The following EHBP1L1 variants were observed in gnomAD, a reference collection of about 807,000 sequenced individuals.
EHBP1L1 encodes EH domain-binding protein 1-like protein 1.
Under a neutral mutation model 151.1 loss-of-function variants are expected in EHBP1L1, and 122 were observed. That is an observed-to-expected ratio of 0.81 (90% CI 0.70 to 0.94). The LOEUF is 0.94. Ranked by LOEUF, EHBP1L1 falls within the 40% of genes least tolerant of loss-of-function variation. EHBP1L1 has a pLI of 0.00. For missense variants in EHBP1L1, 1,941 were observed against 1,959.8 expected (o/e 0.99, Z 0.18); for synonymous variants, 878 against 810.1 (o/e 1.08, Z -1.42).
chr11:65,579,543 G>C (rs991433139), intron 3 of EHBP1L1, 107 bp downstream of exon 3: 3 of 962,328 alleles, frequency 3.1e-6, no homozygotes, highest in African/African-American at 3.3e-5. Context: ...AAGAGGATGC[G>C]GGGGGTGAGG....
rs1290846483 is a variant in EHBP1L1, at chr11:65,582,503, G to T, written c.1831G>T (p.Glu611Ter). The T allele has an allele frequency of 3.1e-6, 5 of 1,613,200 alleles. No individual in the cohort carries two copies. The highest frequency in any genetic ancestry group is 4.2e-6 in the Non-Finnish European group (5 of 1,179,850). The change falls in exon 9 of 19, where the codon GAA (glutamate) becomes TAA (stop). Residue 611 changes from glutamate (E) to a stop codon, truncating the protein, a stop_gained. Coordinates refer to ENST00000309295, the MANE Select transcript of EHBP1L1 (RefSeq NM_001099409.3). LOFTEE classifies it high-confidence loss of function. ...EIEILGALEK[E>*]AARSRVLESE... is the part of the protein sequence containing the mutation. ...TGAGATATTGGGGGCCTTGGAGAAAGAAGCAGCAAGATCAAGGGTCCTGGA... is the reference window on the plus strand; with the variant it reads ...TGAGATATTGGGGGCCTTGGAGAAATAAGCAGCAAGATCAAGGGTCCTGGA...
At chr11:65,583,920 G>T in intron 9 of EHBP1L1, 155 bp downstream of exon 9, 1 of 1,417,526 alleles carries the variant, frequency 7.1e-7, no homozygotes, top group Non-Finnish European at 9.2e-7. Context: ...CCTCTCTCAG[G>T]ATGCCCTGGC....
intron 11 of EHBP1L1, 87 bp downstream of exon 11, chr11:65,584,621 G>C (rs1474757053): frequency 2.6e-6 from 4 of 1,522,320 alleles, no homozygotes; most frequent in East Asian, 2.4e-5. Flanking sequence ...GTGGACTGCC[G>C]GGCCCAGCAG....
rs201005684 is a variant in EHBP1L1 at position 65,590,130 on chromosome 11, A to T, written c.4103A>T (p.Gln1368Leu). ...DTSQYVCAEL[Q>L]ALEQEQRQID... ...AGTCAGTACGTGTGTGCAGAGCTGCAGGCCCTGGAACAGGAGCAGAGGCAG... is the reference window on the plus strand; with the variant it reads ...AGTCAGTACGTGTGTGCAGAGCTGCTGGCCCTGGAACAGGAGCAGAGGCAG... The change falls in exon 15 of 19, where the codon CAG becomes CTG. Residue 1368 changes from glutamine (Q) to leucine (L), a missense_variant. Transcript: ENST00000309295. 5.0e-5 allele frequency: 81 copies of T among 1,613,822 alleles called. No individual in the cohort carries two copies. The African/African-American group carries it at 9.2e-4, about 18-fold the overall frequency.
In EHBP1L1 at chr11:65,576,141, A is replaced by C. The variant is rs959693770; in HGVS notation, c.-162A>C. On this transcript the variant is annotated 5_prime_UTR_variant, in exon 1 of 19. Coordinates refer to ENST00000309295, the MANE Select transcript of EHBP1L1 (RefSeq NM_001099409.3). ...TCAGCCAGACCACCCTGCGGGCCCC[A>C]GCGGCGGCAGCGGAGAGCGCGGTCC... The C allele has an allele frequency of 8.7e-6, 4 of 461,344 alleles. No individual in the cohort carries two copies. Among genetic ancestry groups the C allele is most frequent in the African/African-American group, 2.1e-5 (1 of 48,626 alleles). The allele number at this position is 461,344 out of a possible 1,614,324, so 28.6% of individuals were successfully genotyped here.
rs1355383248 is a variant in EHBP1L1, at chr11:65,591,876, G to A, written c.4357+3G>A. ...GCGGGCCATGCTGGCCATCGAAGGT[G>A]GGACATGGGCTCAGGGGCCGGGAGG... On this transcript the variant is annotated splice_donor_region_variant and intron_variant, in intron 17 of 18. Transcript: ENST00000309295. 7 of 1,594,058 alleles carry A rather than the reference G, an allele frequency of 4.4e-6. No individual in the cohort carries two copies. The highest frequency in any genetic ancestry group is 6.0e-6 in the Non-Finnish European group (7 of 1,170,818).
chr11:65,576,513 C>A, intron 1 of EHBP1L1, 107 bp downstream of exon 1: 1 of 974,754 alleles, frequency 1.0e-6, no homozygotes, highest in South Asian at 1.6e-5. Context: ...CAAATGGGCC[C>A]CCACCCCAGC....
At chr11:65,579,209 G>A in intron 2 of EHBP1L1, 74 bp downstream of exon 2, 1 of 1,534,378 alleles carries the variant, frequency 6.5e-7, no homozygotes, top group Non-Finnish European at 8.8e-7. Flanking sequence ...GCTGATGGGG[G>A]AGTGGAGTGA....
chr11:65,584,940 G>T lies in EHBP1L1; in HGVS notation c.3301-19G>T. The T allele has an allele frequency of 6.5e-7, 1 of 1,532,488 alleles. No homozygotes were observed. Among genetic ancestry groups the T allele is most frequent in the South Asian group, 1.2e-5 (1 of 83,826 alleles). 94.9% of individuals were successfully genotyped at this position (1,532,488 alleles called of 1,614,324 possible). On this transcript the variant is annotated intron_variant, in intron 11 of 18. Transcript: ENST00000309295. ...GCGGGCCACCGCCGCCGCTGACCCCGAGTGCACCCTTCCCCTAGGCCTTCG... is the reference window on the plus strand; with the variant it reads ...GCGGGCCACCGCCGCCGCTGACCCCTAGTGCACCCTTCCCCTAGGCCTTCG...
Position 65,584,372 on chromosome 11 carries a change from C to T in EHBP1L1, c.3225C>T (p.Ile1075=). The change falls in exon 10 of 19, where the codon ATC becomes ATT. Residue 1075 remains isoleucine, a synonymous_variant. Coordinates refer to ENST00000309295, the MANE Select transcript of EHBP1L1 (RefSeq NM_001099409.3). The stretch of plus-strand genomic sequence containing the variant: ...GCAACGGCTTGGCCTTCTGTGCCAT[C>T]CTGCACCGATTCTACCCAGACAAGA... ...SWRNGLAFCA[I]LHRFYPDKID... is the part of the protein sequence containing the mutation. 3 of 1,612,532 alleles carry T rather than the reference C, an allele frequency of 1.9e-6. No individual in the cohort carries two copies. The highest frequency in any genetic ancestry group is 2.5e-6 in the Non-Finnish European group (3 of 1,179,134).
At position 65,592,041 on chromosome 11, in the gene EHBP1L1, G is replaced by C. The variant is rs1858346823; in HGVS notation, c.4423G>C (p.Val1475Leu). 6.2e-7 allele frequency: 1 copy of C among 1,613,316 alleles called. No homozygotes were observed. Among genetic ancestry groups the C allele is most frequent in the Admixed American group, 1.7e-5 (1 of 60,012 alleles). ...QLLLEELVSL[V>L]NQRDELVRDL... is the part of the protein sequence containing the mutation. ...CCTACTGGAGGAGCTGGTGTCGCTG[G>C]TGAACCAGCGCGATGAGCTAGTCCG... is the stretch of plus-strand genomic sequence containing the variant. The change falls in exon 18 of 19, where the codon GTG becomes CTG. Residue 1475 changes from valine to leucine, a missense_variant. Coordinates refer to ENST00000309295, the MANE Select transcript of EHBP1L1 (RefSeq NM_001099409.3).
At chr11:65,579,205 G>C in intron 2 of EHBP1L1, 70 bp downstream of exon 2, 1 of 1,537,784 alleles carries the variant, frequency 6.5e-7, no homozygotes, top group Non-Finnish European at 8.8e-7. Context: ...GGGGGCTGAT[G>C]GGGGAGTGGA....
rs2135265220 is a variant in EHBP1L1, at chr11:65,582,276, G to A, written c.1604G>A (p.Arg535Lys). 1 of 1,529,274 alleles carries A rather than the reference G, an allele frequency of 6.5e-7. No homozygotes were observed. Among genetic ancestry groups the A allele is most frequent in the Middle Eastern group, 1.8e-4 (1 of 5,626 alleles). 94.7% of individuals were successfully genotyped at this position (1,529,274 alleles called of 1,614,324 possible). A position where few individuals can be genotyped will look rare whatever the true frequency, so the allele number is the denominator to read the frequency against. Residue 535 changes from arginine (R) to lysine (K), a missense_variant, in exon 9 of 19, where the codon AGG (arginine) becomes AAG (lysine). Transcript: ENST00000309295. ...QGPSVGAIST[R>K]PQVSSWQGAL... is the part of the protein sequence containing the mutation. ...CCTTCTGTTGGAGCAATAAGCACCA[G>A]GCCCCAGGTGAGCAGCTGGCAGGGG...
In EHBP1L1 at chr11:65,585,739, G is replaced by C. The variant is rs1857937848; in HGVS notation, c.3933+148G>C. The C allele has an allele frequency of 7.6e-7, 1 of 1,321,796 alleles. No homozygotes were observed. The highest frequency in any genetic ancestry group is 2.4e-5 in the Admixed American group (1 of 40,892). 81.9% of individuals were successfully genotyped at this position (1,321,796 alleles called of 1,614,324 possible). A position where few individuals can be genotyped will look rare whatever the true frequency, so the allele number is the denominator to read the frequency against. On this transcript the variant is annotated intron_variant, in intron 12 of 18. Transcript: ENST00000309295. The surrounding 1 kb of genome is among the most constrained non-coding windows in gnomAD (Gnocchi z 4.0). ...GAGTGGCGGGGCTCGGCTGGACCCA[G>C]GAGGGGCTATCTGATCAGAGGGACC... is the stretch of plus-strand genomic sequence containing the variant.
At position 65,580,442 on chromosome 11, in the gene EHBP1L1, AGGAGCCCC is replaced by A. The variant is rs1565120922; in HGVS notation, c.602_609del (p.Ala201GlyfsTer19). 1 of 1,613,520 alleles carries A rather than the reference AGGAGCCCC, an allele frequency of 6.2e-7. No individual in the cohort carries two copies. Among genetic ancestry groups the A allele is most frequent in the South Asian group, 1.1e-5 (1 of 91,080 alleles). On this transcript the variant is annotated frameshift_variant, in exon 6 of 19. Coordinates refer to ENST00000309295, the MANE Select transcript of EHBP1L1 (RefSeq NM_001099409.3). LOFTEE classifies it high-confidence loss of function. ...GTGATGAAGATGAGGCTCATGGCCC[AGGAGCCCC>A]GGAGGCCCGGGCTCGAGTCCCCCAG...
At position 65,580,373 on chromosome 11, in the gene EHBP1L1, T is replaced by C. The variant is rs1857538378; in HGVS notation, c.528T>C (p.Ser176=). Reference sequence around the variant, plus strand: ...TGCAGAGTCTCGCAAGCCTCATGAGTGTGAAGCCTAGTGATGTGGGCAACT... The same window carrying C: ...TGCAGAGTCTCGCAAGCCTCATGAGCGTGAAGCCTAGTGATGTGGGCAACT... ...DDMQSLASLM[S]VKPSDVGNLD... Residue 176 remains serine, a synonymous_variant, in exon 6 of 19, where the codon AGT becomes AGC. Coordinates refer to ENST00000309295, the MANE Select transcript of EHBP1L1 (RefSeq NM_001099409.3). 1.2e-6 allele frequency: 2 copies of C among 1,613,700 alleles called. No individual in the cohort carries two copies. Among genetic ancestry groups the C allele is most frequent in the African/African-American group, 1.3e-5 (1 of 74,988 alleles).
At position 65,579,342 on chromosome 11, in the gene EHBP1L1, C is replaced by T. The variant is rs554014179; in HGVS notation, c.164C>T (p.Ala55Val). The T allele has an allele frequency of 1.7e-5, 26 of 1,551,894 alleles. No individual in the cohort carries two copies. The African/African-American group carries it at 3.4e-4, about 20-fold the overall frequency. Residue 55 changes from alanine (A) to valine (V), a missense_variant and splice_region_variant, in exon 3 of 19, where the codon GCC (alanine) becomes GTC (valine). Transcript: ENST00000309295. ...GAGGACTCAGATTGTCCCTTGTAGG[C>T]CCACAGCTGGCAGCCGGGCATCCAG... ...TRRNRRICSK[A>V]HSWQPGIQNP...
Position 65,584,948 on chromosome 11 carries a change from C to T in EHBP1L1, c.3301-11C>T, listed in dbSNP as rs1230436578. ...CCGCCGCCGCTGACCCCGAGTGCAC[C>T]CTTCCCCTAGGCCTTCGATGGCTTC... On this transcript the variant is annotated splice_polypyrimidine_tract_variant and intron_variant, in intron 11 of 18. Transcript: ENST00000309295. 4 of 1,533,048 alleles carry T rather than the reference C, an allele frequency of 2.6e-6. No homozygotes were observed. The Admixed American group carries it at 5.9e-5, about 23-fold the overall frequency. The allele number at this position is 1,533,048 out of a possible 1,614,324, so 95.0% of individuals were successfully genotyped here.
chr11:65,592,132 G>C, intron 18 of EHBP1L1, 42 bp downstream of exon 18: 1 of 1,610,998 alleles, frequency 6.2e-7, no homozygotes, highest in East Asian at 2.2e-5. Flanking sequence ...GAGGGTCCGG[G>C]ACTTGCTCCC....
Sources: allele counts gnomAD v4.1 joint callset, GRCh38; gene constraint gnomAD v4.1.1; non-coding constraint Gnocchi (gnomAD v3.1); transcripts MANE v1.5; gene names NCBI Gene and HGNC (gene_info 2026-07-23, HGNC 2026-07-21).